ROBO1: variants seen among roughly 807,000 people sequenced by gnomAD.
The protein encoded by ROBO1 is roundabout guidance receptor 1, also known as roundabout homolog 1.
A neutral mutation model predicts 195.9 loss-of-function variants in ROBO1; 149 were observed. The observed-to-expected ratio is 0.76, with a 90% CI of 0.67 to 0.87. The LOEUF is 0.87. ROBO1 is among the 40% of genes least tolerant of loss of function. The pLI, the probability that ROBO1 is intolerant of heterozygous loss-of-function variation, is 0.00. For synonymous variants in ROBO1, 816 were observed against 733.2 expected, an observed-to-expected ratio of 1.11 and a Z score of -1.82; for missense variants, 1,933 against 2,068.3, an observed-to-expected ratio of 0.93 and a Z score of 1.27.
In ROBO1 at chr3:78,685,924, C is replaced by G; in HGVS notation, c.1171-7G>C. The G allele has an allele frequency of 6.4e-7, 1 of 1,553,904 alleles. No homozygotes were observed. Among genetic ancestry groups the G allele is most frequent in the East Asian group, 2.3e-5 (1 of 43,306 alleles). ...GATATGAGAAAAGTAGATTCTAGAA[C>G]CCAGAAATTGGGATGGAGGAAAATA... On this transcript the variant is annotated splice_region_variant and splice_polypyrimidine_tract_variant and intron_variant, in intron 9 of 30. Coordinates refer to ENST00000464233, the MANE Select transcript of ROBO1 (RefSeq NM_002941.4).
chr3:78,861,584 C>T, intron 4 of ROBO1, among the ~76,000 whole-genome samples: 1 of 152,192 alleles, frequency 6.6e-6, no homozygotes, highest in East Asian at 1.9e-4. Context: ...ATGCCACTTC[C>T]TGAACACAGT....
chr3:78,965,969 C>A (rs1275050827), intron 3 of ROBO1, among the ~76,000 whole-genome samples: 2 of 152,198 alleles, frequency 1.3e-5, no homozygotes, highest in East Asian at 3.9e-4. Context: ...ATGCAACAAG[C>A]AACTAGCTAT....
At chr3:79,662,249 G>A (rs1000529717) in intron 1 of ROBO1, among the ~76,000 whole-genome samples, 24 of 152,032 alleles carry the variant, frequency 1.6e-4, no homozygotes, top group African/African-American at 5.8e-4. Flanking sequence ...AAATGAACTG[G>A]CGATCTTTCT....
intron 1 of ROBO1, among the ~76,000 whole-genome samples, chr3:79,703,777 T>C (rs2107176643): frequency 6.6e-6 from 1 of 152,100 alleles, no homozygotes; most frequent in African/African-American, 2.4e-5. Flanking sequence ...TTTTAAACTT[T>C]TGCTTATAAT....
intron 3 of ROBO1, among the ~76,000 whole-genome samples, chr3:78,992,405 C>T (rs1289423370): frequency 6.6e-6 from 1 of 152,116 alleles, no homozygotes; most frequent in East Asian, 1.9e-4. Context: ...TTTCCTCTCA[C>T]TATTGCTGAA....
intron 4 of ROBO1, among the ~76,000 whole-genome samples, chr3:78,822,093 T>TACACACACACAC (rs113114251): frequency 1.1e-3 from 164 of 146,948 alleles, no homozygotes; most frequent in African/African-American, 3.1e-3. Flanking sequence ...CACATATACA[T>TACACACACACAC]ACACACACAC....
At chr3:79,169,092 A>C (rs1022141208) in intron 2 of ROBO1, among the ~76,000 whole-genome samples, 1 of 152,164 alleles carries the variant, frequency 6.6e-6, no homozygotes, top group East Asian at 1.9e-4. Context: ...GAACTGAAAG[A>C]AATCCAGTGT....
chr3:79,706,721 G>A (rs1429267122), intron 1 of ROBO1, among the ~76,000 whole-genome samples: 1 of 152,060 alleles, frequency 6.6e-6, no homozygotes, highest in African/African-American at 2.4e-5. Context: ...TGTAAAATAT[G>A]ACTTGCTCCT....
intron 4 of ROBO1, among the ~76,000 whole-genome samples, chr3:78,916,174 C>G (rs2038561986): frequency 7.0e-6 from 1 of 142,370 alleles, no homozygotes; most frequent in African/African-American, 2.7e-5. Flanking sequence ...GGCGTGAACC[C>G]GGGAGGCGGA....
At chr3:79,713,817 G>T (rs1365098736) in intron 1 of ROBO1, among the ~76,000 whole-genome samples, 47 of 152,090 alleles carry the variant, frequency 3.1e-4, no homozygotes, top group Non-Finnish European at 1.0e-4. Flanking sequence ...CATATGGCTA[G>T]CCAGTTTTCC....
intron 1 of ROBO1, among the ~76,000 whole-genome samples, chr3:79,761,461 A>G (rs969232190): frequency 4.6e-5 from 7 of 152,142 alleles, no homozygotes; most frequent in Non-Finnish European, 8.8e-5. Flanking sequence ...AAACTTCAAT[A>G]TTACATTTAA....
intron 2 of ROBO1, among the ~76,000 whole-genome samples, chr3:79,147,926 T>C (rs2080687811): frequency 6.6e-6 from 1 of 151,974 alleles, no homozygotes; most frequent in Admixed American, 6.6e-5. Context: ...TAGGTATCTT[T>C]CCATGCCTGC....
chr3:79,503,917 C>A (rs547619348), intron 2 of ROBO1, among the ~76,000 whole-genome samples: 1 of 152,094 alleles, frequency 6.6e-6, no homozygotes, highest in Non-Finnish European at 1.5e-5. Flanking sequence ...GTTTCATATT[C>A]TTATTATCTA....
intron 3 of ROBO1, among the ~76,000 whole-genome samples, chr3:79,038,969 A>G (rs1227959882): frequency 2.6e-5 from 4 of 152,176 alleles, no homozygotes; most frequent in Non-Finnish European, 4.4e-5. Context: ...CTTTCTCTCT[A>G]TGCAGAAGAG....
At chr3:79,564,494 T>C (rs1265420555) in intron 2 of ROBO1, among the ~76,000 whole-genome samples, 3 of 152,136 alleles carry the variant, frequency 2.0e-5, no homozygotes, top group Non-Finnish European at 4.4e-5. Flanking sequence ...CAAAAGAAAG[T>C]ATGTAATGGA....
rs7426564 is a variant in ROBO1 at position 79,263,547 on chromosome 3, G to A, written c.89-138008C>T. ...CATACATAGCTACTCAGGAGGTTTA[G>A]GTGGGAGGATTGCTTGAGCCCAGGA... On this transcript the variant is annotated intron_variant, in intron 2 of 30. Transcript: ENST00000464233. 3.3e-5 allele frequency among the ~76,000 whole-genome samples: 5 copies of A among 152,140 alleles called. No individual in the cohort carries two copies. In the East Asian group the frequency reaches 9.7e-4, roughly 30 times the overall value.
At chr3:79,274,809 C>A (rs1232692297) in intron 2 of ROBO1, among the ~76,000 whole-genome samples, 1 of 151,864 alleles carries the variant, frequency 6.6e-6, no homozygotes, top group Non-Finnish European at 1.5e-5. Flanking sequence ...AACATTGCAA[C>A]AAATACCGCA....
intron 4 of ROBO1, among the ~76,000 whole-genome samples, chr3:78,806,645 T>A (rs2084550031): frequency 1.3e-5 from 2 of 152,092 alleles, no homozygotes. Context: ...GACCCTGAAG[T>A]ATTCTATTAT....
intron 1 of ROBO1, among the ~76,000 whole-genome samples, chr3:79,637,186 T>C (rs778204650): frequency 1.3e-4 from 20 of 152,120 alleles, no homozygotes; most frequent in Non-Finnish European, 2.6e-4. Context: ...GAACAAGTAA[T>C]TAATATCAAA....
Sources: allele counts gnomAD v4.1 joint callset (sites outside exome capture counted in the v4.1 genomes callset), GRCh38; gene constraint gnomAD v4.1.1; transcripts MANE v1.5; gene names NCBI Gene and HGNC (gene_info 2026-07-23, HGNC 2026-07-21).